Variants in CFAP52 observed in about 807,000 individuals in gnomAD.
The protein encoded by CFAP52 is cilia- and flagella-associated protein 52.
In CFAP52, 57 loss-of-function variants were observed where a neutral mutation model predicts 70.5. The ratio of observed to expected loss-of-function variants is 0.81; its 90% CI spans 0.65 to 1.01. CFAP52 has a LOEUF of 1.01. Ranked by LOEUF, CFAP52 falls within the 50% of genes least tolerant of loss-of-function variation. The pLI is 0.00. For synonymous variants in CFAP52, 267 were observed against 292.5 expected (o/e 0.91, Z 0.89); for missense variants, 785 against 788.5 (o/e 1.00, Z 0.05).
chr17:9,641,588 T>G (rs1024361504), intron 12 of CFAP52, 136 bp from the exon 13 acceptor site: 2 of 576,696 alleles, frequency 3.5e-6, no homozygotes, highest in Admixed American at 3.1e-5. Context: ...TGTAGCCTAT[T>G]TATAATTTCA....
intron 8 of CFAP52, among the ~76,000 whole-genome samples, chr17:9,616,638 T>G (rs1163484833): frequency 1.3e-3 from 196 of 149,524 alleles, no homozygotes; most frequent in African/African-American, 4.0e-3. Flanking sequence ...CTCCCAGCAC[T>G]CAGCTGGAGA....
At chr17:9,582,161 G>T (rs1473557786) in intron 1 of CFAP52, among the ~76,000 whole-genome samples, 2 of 152,316 alleles carry the variant, frequency 1.3e-5, no homozygotes, top group East Asian at 3.9e-4. Flanking sequence ...TGGGCAGGTT[G>T]CACACCTAAG....
At chr17:9,598,746 G>GTGACACTC (rs1909132746) in intron 5 of CFAP52, among the ~76,000 whole-genome samples, 1 of 110,186 alleles carries the variant, frequency 9.1e-6, no homozygotes, top group Non-Finnish European at 2.0e-5. Context: ...GGACAACAGA[G>GTGACACTC]TGACACTCTG....
intron 12 of CFAP52, among the ~76,000 whole-genome samples, chr17:9,641,203 C>G (rs1308530298): frequency 6.6e-6 from 1 of 152,192 alleles, no homozygotes; most frequent in Admixed American, 6.5e-5. Context: ...TCTTTAAACT[C>G]TACCCTGTGG....
rs887637141 is a variant in CFAP52, at chr17:9,641,829, G to T, written c.1681G>T (p.Val561Phe). 2 of 1,613,568 alleles carry T rather than the reference G, an allele frequency of 1.2e-6. No individual in the cohort carries two copies. Among genetic ancestry groups the T allele is most frequent in the Non-Finnish European group, 1.7e-6 (2 of 1,179,572 alleles). ...TATCACACAGGAAGGGGTGCACTTT[G>T]TCACAGGTTAGTCCTGGGATAGGAA... is the stretch of plus-strand genomic sequence containing the variant. The part of the protein sequence containing the change: ...MDITQEGVHF[V>F]TGGNDHLVKV... Residue 561 changes from valine (V) to phenylalanine (F), a missense_variant, in exon 13 of 14, where the codon GTC becomes TTC. Coordinates refer to ENST00000352665, the MANE Select transcript of CFAP52 (RefSeq NM_145054.5).
At chr17:9,636,608 C>A (rs1313903345) in intron 11 of CFAP52, among the ~76,000 whole-genome samples, 1 of 152,092 alleles carries the variant, frequency 6.6e-6, no homozygotes, top group East Asian at 1.9e-4. Context: ...ACCCCTCTAC[C>A]CCTCCTACGA....
intron 8 of CFAP52, among the ~76,000 whole-genome samples, chr17:9,616,355 CG>C (rs1909921969): frequency 8.5e-6 from 1 of 117,100 alleles, no homozygotes; most frequent in Non-Finnish European, 1.7e-5. Flanking sequence ...CCTACGCCCA[CG>C]GAATCTCGCT....
At chr17:9,594,827 G>A (rs1184316472) in intron 4 of CFAP52, among the ~76,000 whole-genome samples, 1 of 151,864 alleles carries the variant, frequency 6.6e-6, no homozygotes, top group Non-Finnish European at 1.5e-5. Flanking sequence ...TCTGCCTAAG[G>A]GAGGGAATAA....
Position 9,612,469 on chromosome 17 carries a change from G to C in CFAP52, c.1015G>C (p.Val339Leu), listed in dbSNP as rs1909754618. Reference sequence around the variant, plus strand: ...TCACTTTGATGCTGTCGAGGATATTGTCTTTCCATTGTGAGTAGAAGAGAA... The same window carrying C: ...TCACTTTGATGCTGTCGAGGATATTCTCTTTCCATTGTGAGTAGAAGAGAA... ...TCHFDAVEDI[V>L]FPFGTAELFA... is the part of the protein sequence containing the mutation. The change falls in exon 8 of 14, where the codon GTC becomes CTC. Residue 339 changes from valine to leucine, a missense_variant. Val to Leu is a conservative substitution (Grantham distance 32). Coordinates refer to ENST00000352665, the MANE Select transcript of CFAP52 (RefSeq NM_145054.5). 1 of 1,613,580 alleles carries C rather than the reference G, an allele frequency of 6.2e-7. No individual in the cohort carries two copies. Among genetic ancestry groups the C allele is most frequent in the Non-Finnish European group, 8.5e-7 (1 of 1,179,874 alleles).
chr17:9,635,411 G>A lies in CFAP52; in HGVS notation c.1327G>A (p.Val443Ile), dbSNP rs558250038. Residue 443 changes from valine to isoleucine, a missense_variant, in exon 11 of 14, where the codon GTA (valine) becomes ATA (isoleucine). Val to Ile is a conservative substitution (Grantham distance 29, BLOSUM62 3). Transcript: ENST00000352665. ...TGTGCTCTGTGGCTTTCAGGTGAGG[G>A]TATGGCAGATAGGCTGTCAGACCCA... The part of the protein sequence containing the change: ...ISGGGEGEVR[V>I]WQIGCQTQKL... 3 of 1,614,032 alleles carry A rather than the reference G, an allele frequency of 1.9e-6. No individual in the cohort carries two copies. Among genetic ancestry groups the A allele is most frequent in the East Asian group, 2.2e-5 (1 of 44,890 alleles).
At position 9,585,972 on chromosome 17, in the gene CFAP52, G is replaced by A; in HGVS notation, c.270G>A (p.Lys90=). 6.2e-7 allele frequency: 1 copy of A among 1,613,548 alleles called. No individual in the cohort carries two copies. The highest frequency in any genetic ancestry group is 8.5e-7 in the Non-Finnish European group (1 of 1,179,808). The stretch of plus-strand genomic sequence containing the variant: ...GACAAGTCACATTCATGGGGTTCAA[G>A]GTGAATACAGTGAAAACGACTCATT... ...ASGQVTFMGF[K]ADIILWDYKN... is the part of the protein sequence containing the mutation. The change falls in exon 2 of 14, where the codon AAG becomes AAA. Residue 90 remains lysine, a splice_region_variant and synonymous_variant. Coordinates refer to ENST00000352665, the MANE Select transcript of CFAP52 (RefSeq NM_145054.5).
At chr17:9,596,923 G>A (rs2151934481) in intron 4 of CFAP52, among the ~76,000 whole-genome samples, 1 of 152,046 alleles carries the variant, frequency 6.6e-6, no homozygotes, top group Admixed American at 6.6e-5. Context: ...TCACCATGTT[G>A]GCCAGGCTGG....
intron 3 of CFAP52, among the ~76,000 whole-genome samples, chr17:9,590,662 C>A (rs1025262896): frequency 1.3e-5 from 2 of 152,170 alleles, no homozygotes; most frequent in Non-Finnish European, 2.9e-5. Flanking sequence ...AATCCCACCC[C>A]CTGTCAAAGA....
intron 11 of CFAP52, among the ~76,000 whole-genome samples, chr17:9,636,846 C>T (rs899499214): frequency 6.6e-6 from 1 of 151,992 alleles, no homozygotes; most frequent in African/African-American, 2.4e-5. Flanking sequence ...GGAGTTTGAG[C>T]CCAGCCTGAC....
At chr17:9,582,870 C>T (rs920723867) in intron 1 of CFAP52, among the ~76,000 whole-genome samples, 2 of 152,332 alleles carry the variant, frequency 1.3e-5, no homozygotes, top group South Asian at 2.1e-4. Context: ...CTCCCAGCCT[C>T]GAGTGATCTG....
chr17:9,639,829 C>T (rs1474277897), intron 12 of CFAP52, among the ~76,000 whole-genome samples: 1 of 152,166 alleles, frequency 6.6e-6, no homozygotes, highest in Non-Finnish European at 1.5e-5. Flanking sequence ...GGAAGGGCAT[C>T]TCTGGCAGAG....
At chr17:9,613,978 T>C (rs1216532494) in intron 8 of CFAP52, among the ~76,000 whole-genome samples, 1 of 151,890 alleles carries the variant, frequency 6.6e-6, no homozygotes, top group Non-Finnish European at 1.5e-5. Context: ...TCTCACTTTT[T>C]CCCCTCTTTT....
intron 3 of CFAP52, among the ~76,000 whole-genome samples, chr17:9,589,605 C>T (rs541165594): frequency 9.2e-5 from 14 of 151,756 alleles, no homozygotes; most frequent in African/African-American, 2.4e-4. Flanking sequence ...TGGTGGCAGG[C>T]GCCTGTAATC....
chr17:9,587,634 T>C (rs1220082212), intron 3 of CFAP52, among the ~76,000 whole-genome samples: 1 of 152,224 alleles, frequency 6.6e-6, no homozygotes. Flanking sequence ...ATATTGAGCC[T>C]TTTTTCATAT....
Sources: allele counts gnomAD v4.1 joint callset (sites outside exome capture counted in the v4.1 genomes callset), GRCh38; gene constraint gnomAD v4.1.1; transcripts MANE v1.5; gene names NCBI Gene and HGNC (gene_info 2026-07-23, HGNC 2026-07-21).